HERC2: variants seen among roughly 807,000 people sequenced by gnomAD.
HERC2 encodes the protein E3 ubiquitin-protein ligase HERC2.
A neutral mutation model predicts 537.7 loss-of-function variants in HERC2; 102 were observed. That is an observed-to-expected ratio of 0.19 (90% confidence interval 0.16 to 0.22). The LOEUF is 0.22. Among genes scored for constraint, HERC2 ranks in the 10% least tolerant of loss-of-function variants. The probability of loss-of-function intolerance (pLI) is 1.00; values close to 1 mark genes in which losing one functional copy is unlikely to be tolerated. For missense variants in HERC2, 4,236 were observed against 6,198.2 expected, an observed-to-expected ratio of 0.68 and a Z score of 10.63; for synonymous variants, 2,224 against 2,466.2, an observed-to-expected ratio of 0.90 and a Z score of 2.91.
chr15:28,116,922 C>G (rs757032412), intron 87 of HERC2, 63 bp from the exon 88 acceptor site: 1 of 1,608,638 alleles, frequency 6.2e-7, no homozygotes. Flanking sequence ...AGAGCCCCAA[C>G]GCTCCCACAC....
In HERC2 at chr15:28,228,290, C is replaced by T. The variant is rs200181265; in HGVS notation, c.5392G>A (p.Gly1798Ser). 53 of 1,612,960 alleles carry T rather than the reference C, an allele frequency of 3.3e-5. No homozygotes were observed. Among genetic ancestry groups the T allele is most frequent in the Middle Eastern group, 3.7e-4 (2 of 5,360 alleles). The change falls in exon 35 of 93, where the codon GGC becomes AGC. Residue 1798 changes from glycine (G) to serine (S), a missense_variant. Physicochemically the swap from Gly to Ser is moderately conservative, Grantham distance 56. This residue lies in a region of HERC2 where 343 missense variants were observed against 417.2 expected (regional missense o/e 0.82). Transcript: ENST00000261609. ...VMLSMLTLQH[G>S]ANNLDLLLNS... is the part of the protein sequence containing the mutation. The stretch of plus-strand genomic sequence containing the variant: ...AGCAGAAGGTCGAGGTTGTTTGCGC[C>T]GTGCTGCAGGGTGAGCATGCTGAGC...
chr15:28,224,638 C>A (rs1313471299), intron 35 of HERC2, among the ~76,000 whole-genome samples: 2 of 152,136 alleles, frequency 1.3e-5, no homozygotes, highest in Non-Finnish European at 2.9e-5. Context: ...CCAAAGAACA[C>A]CACCATAAAC....
In HERC2 at chr15:28,263,806, C is replaced by T. The variant is rs556972987; in HGVS notation, c.1871-637G>A. Among the ~76,000 whole-genome samples the T allele has an allele frequency of 7.6e-4, 116 of 151,898 alleles. No individual in the cohort carries two copies. The Middle Eastern group carries it at 0.01, about 13-fold the overall frequency. ...CAGAACTTTGGGAGGCCAAGGCGGG[C>T]GGATCACTTGAGCCCAGGAGTTCGA... On this transcript the variant is annotated intron_variant, in intron 14 of 92. Coordinates refer to ENST00000261609, the MANE Select transcript of HERC2 (RefSeq NM_004667.6).
Position 28,272,219 on chromosome 15 carries a change from A to C in HERC2, c.1079T>G (p.Met360Arg). 1 of 1,596,374 alleles carries C rather than the reference A, an allele frequency of 6.3e-7. No individual in the cohort carries two copies. The highest frequency in any genetic ancestry group is 8.5e-7 in the Non-Finnish European group (1 of 1,172,624). The change falls in exon 9 of 93, where the codon ATG becomes AGG. Residue 360 changes from methionine (M) to arginine (R), a missense_variant. Met to Arg is a moderately conservative substitution (Grantham distance 91). Coordinates refer to ENST00000261609, the MANE Select transcript of HERC2 (RefSeq NM_004667.6). Reference sequence around the variant, plus strand: ...AAGTTCCATCATGACACTCACGTGCATGTCGCCCTCGGAGTGGGGTGCATC... The same window carrying C: ...AAGTTCCATCATGACACTCACGTGCCTGTCGCCCTCGGAGTGGGGTGCATC... ...RKDAPHSEGD[M>R]HLLSGPLSPN...
In HERC2 at chr15:28,263,106, C is replaced by T. The variant is rs2075457995; in HGVS notation, c.1934G>A (p.Cys645Tyr). ...GKLGRGGSDG[C>Y]KTPKLIEKLQ... ...CTTTTCAATCAGCTTTGGGGTTTTG[C>T]AGCCATCACTACCACCTCTGCCCAA... Residue 645 changes from cysteine to tyrosine, a missense_variant, in exon 15 of 93, where the codon TGC becomes TAC. Cys to Tyr is a radical substitution (Grantham distance 194, BLOSUM62 -2). Transcript: ENST00000261609. 6.2e-7 allele frequency: 1 copy of T among 1,614,090 alleles called. No individual in the cohort carries two copies. Among genetic ancestry groups the T allele is most frequent in the Admixed American group, 1.7e-5 (1 of 59,996 alleles).
At chr15:28,292,253 A>C (rs74879108) in intron 4 of HERC2, among the ~76,000 whole-genome samples, 5 of 136,538 alleles carry the variant, frequency 3.7e-5, no homozygotes, top group Non-Finnish European at 6.5e-5. Context: ...AAAAAAAAAA[A>C]CCAGGCAAAG....
At chr15:28,145,016 C>T (rs1891593838) in intron 71 of HERC2, among the ~76,000 whole-genome samples, 1 of 152,256 alleles carries the variant, frequency 6.6e-6, no homozygotes, top group Non-Finnish European at 1.5e-5. Flanking sequence ...CATTCAGCCC[C>T]TGTACCAGGT....
chr15:28,287,398 G>C (rs191488022), intron 4 of HERC2, among the ~76,000 whole-genome samples: 94 of 152,268 alleles, frequency 6.2e-4, no homozygotes, highest in African/African-American at 2.3e-3. Context: ...TGAGCAAGCA[G>C]AGCTTCCAAG....
chr15:28,295,311 G>GGT (rs1251349606), intron 3 of HERC2, among the ~76,000 whole-genome samples: 6 of 108,938 alleles, frequency 5.5e-5, no homozygotes, highest in Non-Finnish European at 1.1e-4. Context: ...ATGTGTGTGG[G>GGT]GGGGGGGGAG....
intron 23 of HERC2, among the ~76,000 whole-genome samples, chr15:28,244,548 T>C (rs566591428): frequency 1.3e-5 from 2 of 152,284 alleles, no homozygotes; most frequent in Non-Finnish European, 2.9e-5. Flanking sequence ...GTTCTCTCTA[T>C]GATCAATTAC....
At chr15:28,311,274 A>G (rs2922706) in intron 2 of HERC2, among the ~76,000 whole-genome samples, 10,670 of 146,132 alleles carry the variant, frequency 0.073, 1 homozygote, top group East Asian at 0.42. Context: ...AGACCAGCCA[A>G]AGCAACACGG....
chr15:28,319,984 T>A (rs1319928220), intron 2 of HERC2: 3 of 152,078 alleles, frequency 2.0e-5, no homozygotes, highest in African/African-American at 7.2e-5. Flanking sequence ...ACAAAACAGA[T>A]CATTATAGCT....
intron 37 of HERC2, 147 bp from the exon 38 acceptor site, chr15:28,218,818 A>C (rs1349320455): frequency 1.2e-5 from 9 of 725,242 alleles, no homozygotes; most frequent in East Asian, 1.1e-4. Context: ...CAAAATTGAA[A>C]GTACAGAGAT....
chr15:28,180,596 A>G (rs1307382811), intron 57 of HERC2, among the ~76,000 whole-genome samples: 1 of 152,206 alleles, frequency 6.6e-6, no homozygotes, highest in East Asian at 1.9e-4. Flanking sequence ...TACCAGGGAC[A>G]TGAGGGTTCA....
At chr15:28,138,331 T>C (rs899347287) in intron 78 of HERC2, among the ~76,000 whole-genome samples, 7 of 152,202 alleles carry the variant, frequency 4.6e-5, no homozygotes, top group Non-Finnish European at 7.3e-5. Flanking sequence ...AGGACTTTCA[T>C]AGCTAGAGAG....
intron 3 of HERC2, 71 bp from the exon 4 acceptor site, chr15:28,293,093 C>G: frequency 1.4e-6 from 2 of 1,413,758 alleles, no homozygotes; most frequent in African/African-American, 2.9e-5. Flanking sequence ...CTGCAAATGT[C>G]CCTCCCCGAA....
At chr15:28,315,289 C>T (rs2077051412) in intron 2 of HERC2, among the ~76,000 whole-genome samples, 1 of 152,238 alleles carries the variant, frequency 6.6e-6, no homozygotes, top group Non-Finnish European at 1.5e-5. Context: ...CCACACCTTC[C>T]AGGCTGTGTC....
intron 64 of HERC2, among the ~76,000 whole-genome samples, 188 bp downstream of exon 64, chr15:28,175,324 C>G (rs564384931): frequency 3.3e-5 from 5 of 152,188 alleles, no homozygotes; most frequent in Admixed American, 3.3e-4. Flanking sequence ...GCCCCCAACC[C>G]CTGCTGCAAA....
intron 74 of HERC2, among the ~76,000 whole-genome samples, chr15:28,143,436 C>T (rs1891425078): frequency 6.6e-6 from 1 of 151,980 alleles, no homozygotes; most frequent in African/African-American, 2.4e-5. Flanking sequence ...CAAAGGCCTC[C>T]TTATTTTTAT....
Sources: gnomAD v4.1 joint callset for allele counts (sites outside exome capture counted in the v4.1 genomes callset) on GRCh38, gnomAD v4.1.1 for gene constraint, gnomAD v4.1.1 regional missense constraint, MANE v1.5 for transcripts, NCBI Gene and HGNC (gene_info 2026-07-23, HGNC 2026-07-21) for gene names.